TBC1D32: variants seen among roughly 807,000 people sequenced by gnomAD.
TBC1D32 encodes the protein protein broad-minded.
A neutral mutation model predicts 170.3 loss-of-function variants in TBC1D32; 151 were observed. The observed-to-expected ratio is 0.89, with a 90% confidence interval of 0.78 to 1.01. The LOEUF (loss-of-function observed/expected upper bound fraction) is 1.01, where lower values mean the gene tolerates loss of function less well. TBC1D32 is among the 50% of genes least tolerant of loss of function. The pLI is 0.00. For missense variants in TBC1D32, 1,464 were observed against 1,457.1 expected (o/e 1.00, Z -0.08); for synonymous variants, 498 against 488.0 (o/e 1.02, Z -0.27).
At chr6:121,168,377 C>G (rs1467520723) in intron 22 of TBC1D32, among the ~76,000 whole-genome samples, 1 of 138,488 alleles carries the variant, frequency 7.2e-6, no homozygotes, top group African/African-American at 2.7e-5. Flanking sequence ...GAATACTATA[C>G]AGCCATAAAA....
intron 22 of TBC1D32, among the ~76,000 whole-genome samples, chr6:121,194,080 T>G (rs1020584898): frequency 6.8e-6 from 1 of 146,914 alleles, no homozygotes; most frequent in Non-Finnish European, 1.5e-5. Flanking sequence ...TGAGCTGACA[T>G]TGATTCCAGG....
chr6:121,237,137 G>C (rs1186618948), intron 20 of TBC1D32: 1 of 151,926 alleles, frequency 6.6e-6, no homozygotes, highest in Non-Finnish European at 1.5e-5. Context: ...CATTATTGGA[G>C]TATATTTTAA....
At chr6:121,152,214 A>C (rs192354680) in intron 24 of TBC1D32, among the ~76,000 whole-genome samples, 20 of 152,168 alleles carry the variant, frequency 1.3e-4, no homozygotes, top group Admixed American at 3.9e-4. Flanking sequence ...AAAATCCCTC[A>C]GCATTTGTTT....
Position 121,283,899 on chromosome 6 carries a change from G to C in TBC1D32, c.1384C>G (p.Leu462Val). 6.2e-7 allele frequency: 1 copy of C among 1,605,020 alleles called. No individual in the cohort carries two copies. Among genetic ancestry groups the C allele is most frequent in the Non-Finnish European group, 8.5e-7 (1 of 1,174,272 alleles). ...KLKNKKGLVS[L>V]IDLLVLFTQL... is the part of the protein sequence containing the mutation. ...GTAAAAAGAACAAGCAGATCTATGAGGGATACCAAACCTTTAAAAAGAAAA... is the reference window on the plus strand; with the variant it reads ...GTAAAAAGAACAAGCAGATCTATGACGGATACCAAACCTTTAAAAAGAAAA... Residue 462 changes from leucine (L) to valine (V), a missense_variant, in exon 13 of 32, where the codon CTC (leucine) becomes GTC (valine). Physicochemically the swap from Leu to Val is conservative, Grantham distance 32. Around this residue, in one of 3 missense-constraint regions of TBC1D32, gnomAD observed 1,363 missense variants for 1,338.1 expected, o/e 1.02. Transcript: ENST00000398212.
At position 121,113,154 on chromosome 6, in the gene TBC1D32, AAG is replaced by A; in HGVS notation, c.3075_3076del (p.Leu1026LysfsTer7). 1 of 1,610,320 alleles carries A rather than the reference AAG, an allele frequency of 6.2e-7. No individual in the cohort carries two copies. Reference sequence around the variant, plus strand: ...AAGATCATTTTCTGCACCATCTTTTAAGAGACTGAGGAATTTGCCATACCTAT... The same window carrying A: ...AAGATCATTTTCTGCACCATCTTTTAAGACTGAGGAATTTGCCATACCTAT... On this transcript the variant is annotated frameshift_variant, in exon 28 of 32. Coordinates refer to ENST00000398212, the MANE Select transcript of TBC1D32 (RefSeq NM_152730.6). LOFTEE classifies it high-confidence loss of function.
At chr6:121,188,835 T>C (rs894212465) in intron 22 of TBC1D32, among the ~76,000 whole-genome samples, 5 of 152,134 alleles carry the variant, frequency 3.3e-5, no homozygotes, top group African/African-American at 1.2e-4. Context: ...TATTATCTTC[T>C]CTAGCTGCTC....
chr6:121,242,315 TA>T lies in TBC1D32; in HGVS notation c.2042del (p.Leu681Ter). 2.5e-6 allele frequency: 4 copies of T among 1,612,844 alleles called. No individual in the cohort carries two copies. The highest frequency in any genetic ancestry group is 3.4e-6 in the Non-Finnish European group (4 of 1,179,374). On this transcript the variant is annotated frameshift_variant, in exon 18 of 32. Coordinates refer to ENST00000398212, the MANE Select transcript of TBC1D32 (RefSeq NM_152730.6). LOFTEE classifies it high-confidence loss of function. Reference sequence around the variant, plus strand: ...TGGCAGCAAAATGTAGTAAATCATCTAACAAATTATCTTCCCAAGCCATACT... The same window carrying T: ...TGGCAGCAAAATGTAGTAAATCATCTACAAATTATCTTCCCAAGCCATACT... ...QNIMAWEDNL[L>X]DDLLHFAATP...
At chr6:121,271,190 T>C (rs1177006670) in intron 15 of TBC1D32, among the ~76,000 whole-genome samples, 1 of 152,168 alleles carries the variant, frequency 6.6e-6, no homozygotes, top group African/African-American at 2.4e-5. Flanking sequence ...GCATTCCCTT[T>C]GAAAACTGGC....
At chr6:121,257,725 T>G (rs1438433166) in intron 15 of TBC1D32, among the ~76,000 whole-genome samples, 2 of 152,208 alleles carry the variant, frequency 1.3e-5, no homozygotes, top group Non-Finnish European at 2.9e-5. Context: ...AACCCATGTT[T>G]TTTTTTATAT....
intron 24 of TBC1D32, among the ~76,000 whole-genome samples, chr6:121,132,864 TA>T (rs1379321983): frequency 1.3e-5 from 2 of 151,896 alleles, no homozygotes; most frequent in Non-Finnish European, 2.9e-5. Flanking sequence ...TAAGTGTTGT[TA>T]AAAAAGATAT....
chr6:121,333,181 A>G (rs1046383155), intron 1 of TBC1D32, among the ~76,000 whole-genome samples: 1 of 152,256 alleles, frequency 6.6e-6, no homozygotes, highest in Non-Finnish European at 1.5e-5. Context: ...AAAAATTTCC[A>G]GTGTCATCTC....
intron 31 of TBC1D32, among the ~76,000 whole-genome samples, chr6:121,081,895 A>G (rs958787909): frequency 6.6e-6 from 1 of 152,006 alleles, no homozygotes; most frequent in African/African-American, 2.4e-5. Flanking sequence ...AAAAATCTAC[A>G]TAGTTTGAGG....
chr6:121,170,258 C>T (rs752265802), intron 22 of TBC1D32: 1 of 818,650 alleles, frequency 1.2e-6, no homozygotes, highest in Non-Finnish European at 1.8e-6. Context: ...GTGACATTTA[C>T]ACTTTAGCTG....
chr6:121,094,061 T>A (rs113579468), intron 30 of TBC1D32, among the ~76,000 whole-genome samples: 1 of 152,054 alleles, frequency 6.6e-6, no homozygotes, highest in East Asian at 1.9e-4. Context: ...GGCTTTACTA[T>A]ATTTGCAAGT....
At chr6:121,288,953 GC>G (rs1470661660) in intron 12 of TBC1D32, among the ~76,000 whole-genome samples, 1 of 151,936 alleles carries the variant, frequency 6.6e-6, no homozygotes, top group African/African-American at 2.4e-5. Context: ...AAATTCAACA[GC>G]CCTTCATGCT....
chr6:121,137,491 A>C (rs1222477740), intron 24 of TBC1D32, among the ~76,000 whole-genome samples: 1 of 151,440 alleles, frequency 6.6e-6, no homozygotes, highest in African/African-American at 2.4e-5. Context: ...AAAAAAAAAA[A>C]AAACAACTAC....
intron 1 of TBC1D32, among the ~76,000 whole-genome samples, chr6:121,324,952 G>A (rs1001713796): frequency 6.6e-6 from 1 of 152,212 alleles, no homozygotes; most frequent in African/African-American, 2.4e-5. Context: ...GCTCACGCCT[G>A]TAATCCCAGT....
At chr6:121,083,703 A>G (rs530232136) in intron 31 of TBC1D32, among the ~76,000 whole-genome samples, 1 of 152,214 alleles carries the variant, frequency 6.6e-6, no homozygotes, top group Non-Finnish European at 1.5e-5. Context: ...GGAACACGGG[A>G]TTTGGATTCA....
In TBC1D32 at chr6:121,228,073, T is replaced by C. The variant is rs190803562; in HGVS notation, c.2365-4721A>G. Among the ~76,000 whole-genome samples, 40 of 152,232 alleles carry C rather than the reference T, an allele frequency of 2.6e-4. No individual in the cohort carries two copies. In the East Asian group the frequency reaches 7.7e-3, roughly 29 times the overall value. On this transcript the variant is annotated intron_variant, in intron 20 of 31. Coordinates refer to ENST00000398212, the MANE Select transcript of TBC1D32 (RefSeq NM_152730.6). ...TGTTGAGTTAATGACCTAAAACAAA[T>C]CATAATATTCACTTATTATCCTTTA...
Sources: gnomAD v4.1 joint callset for allele counts (sites outside exome capture counted in the v4.1 genomes callset) on GRCh38, gnomAD v4.1.1 for gene constraint, gnomAD v4.1.1 regional missense constraint, MANE v1.5 for transcripts, NCBI Gene and HGNC (gene_info 2026-07-23, HGNC 2026-07-21) for gene names.